Variants in MOB1B observed in about 807,000 individuals in gnomAD.
The protein encoded by MOB1B is MOB1 Mps One Binder homolog B.
A neutral mutation model predicts 24.4 loss-of-function variants in MOB1B; 19 were observed. That is an observed-to-expected ratio of 0.78 (90% CI 0.54 to 1.14). The LOEUF is 1.14. Ranked by LOEUF, MOB1B falls within the 50% of genes most tolerant of loss-of-function variation. The probability of loss-of-function intolerance (pLI) is 0.00; values close to 1 mark genes in which losing one functional copy is unlikely to be tolerated. For missense variants in MOB1B, 243 were observed against 259.6 expected (o/e 0.94, Z 0.44); for synonymous variants, 76 against 82.1 (o/e 0.93, Z 0.40).
At chr4:70,949,932 A>G (rs1378873324) in intron 1 of MOB1B, among the ~76,000 whole-genome samples, 2 of 152,054 alleles carry the variant, frequency 1.3e-5, no homozygotes, top group Non-Finnish European at 2.9e-5. Flanking sequence ...AAATAAAATT[A>G]CAAAGGGGTG....
At chr4:70,969,474 C>T (rs1409368860) in intron 2 of MOB1B, among the ~76,000 whole-genome samples, 2 of 152,132 alleles carry the variant, frequency 1.3e-5, no homozygotes, top group Admixed American at 1.3e-4. Flanking sequence ...GTTGCATTTT[C>T]AGATAAATCT....
At chr4:70,979,541 C>T (rs1225306836) in intron 5 of MOB1B, among the ~76,000 whole-genome samples, 1 of 152,102 alleles carries the variant, frequency 6.6e-6, no homozygotes, top group Non-Finnish European at 1.5e-5. Flanking sequence ...AGTTAACAGG[C>T]CATATGGAGG....
At chr4:70,926,607 G>C (rs1271328546) in intron 1 of MOB1B, among the ~76,000 whole-genome samples, 2 of 152,214 alleles carry the variant, frequency 1.3e-5, no homozygotes, top group East Asian at 3.9e-4. Flanking sequence ...ACAAATGTAT[G>C]GCATTATTGC....
intron 1 of MOB1B, among the ~76,000 whole-genome samples, chr4:70,953,136 A>T (rs748697995): frequency 1.3e-5 from 2 of 151,646 alleles, no homozygotes; most frequent in African/African-American, 2.4e-5. Flanking sequence ...ATAGGGTTTC[A>T]CCATGTTGGC....
intron 1 of MOB1B, among the ~76,000 whole-genome samples, chr4:70,906,670 C>G (rs905827487): frequency 2.6e-5 from 4 of 152,076 alleles, no homozygotes; most frequent in Non-Finnish European, 4.4e-5. Context: ...TATAAATGCT[C>G]AGGATAAATT....
At chr4:70,963,626 C>T (rs967246158) in intron 2 of MOB1B, among the ~76,000 whole-genome samples, 6 of 151,764 alleles carry the variant, frequency 4.0e-5, no homozygotes, top group South Asian at 4.2e-4. Flanking sequence ...TTGAGACCAT[C>T]GTGGACAACA....
chr4:70,913,045 ACC>A (rs1176359107), intron 1 of MOB1B, among the ~76,000 whole-genome samples: 2 of 152,222 alleles, frequency 1.3e-5, no homozygotes, highest in Admixed American at 1.3e-4. Context: ...GGTGTGAGCC[ACC>A]GGGCCCAGCC....
At chr4:70,968,355 A>G (rs996816190) in intron 2 of MOB1B, among the ~76,000 whole-genome samples, 49 of 152,236 alleles carry the variant, frequency 3.2e-4, no homozygotes, top group African/African-American at 1.1e-3. Flanking sequence ...CTTGTTGCCT[A>G]GGCTGGAGTG....
intron 2 of MOB1B, among the ~76,000 whole-genome samples, chr4:70,959,822 CACTAT>C (rs1401187498): frequency 6.6e-6 from 1 of 152,070 alleles, no homozygotes; most frequent in Non-Finnish European, 1.5e-5. Flanking sequence ...TAGAGTCAAC[CACTAT>C]ACTAAATTGC....
rs1739236709 is a variant in MOB1B, at chr4:70,982,143, ATTGT to A, written c.*89_*92del. The A allele has an allele frequency of 1.0e-6, 1 of 990,408 alleles. No individual in the cohort carries two copies. The highest frequency in any genetic ancestry group is 1.5e-6 in the Non-Finnish European group (1 of 650,482). The allele number at this position is 990,408 out of a possible 1,614,324, so 61.4% of individuals were successfully genotyped here. A position where few individuals can be genotyped will look rare whatever the true frequency, so the allele number is the denominator to read the frequency against. ...TTTGTTATATTTTGTTTTTATCTGG[ATTGT>A]TTTTGTCCTAGGTTTGGGGGCGGGG... On this transcript the variant is annotated 3_prime_UTR_variant, in exon 6 of 6. Transcript: ENST00000309395.
intron 2 of MOB1B, among the ~76,000 whole-genome samples, chr4:70,968,957 GA>G (rs1365478981): frequency 6.6e-6 from 1 of 152,042 alleles, no homozygotes; most frequent in East Asian, 1.9e-4. Context: ...ATAACCAGTT[GA>G]TTCAGAAATA....
intron 1 of MOB1B, among the ~76,000 whole-genome samples, chr4:70,928,532 T>G (rs1736747735): frequency 6.6e-6 from 1 of 152,072 alleles, no homozygotes; most frequent in South Asian, 2.1e-4. Context: ...CTTGACCTCG[T>G]GATCCACCGC....
At chr4:70,923,901 C>G (rs1010501348) in intron 1 of MOB1B, among the ~76,000 whole-genome samples, 2 of 140,470 alleles carry the variant, frequency 1.4e-5, no homozygotes, top group Non-Finnish European at 3.0e-5. Flanking sequence ...GAGCCGAGAT[C>G]GCACCACTGC....
intron 1 of MOB1B, among the ~76,000 whole-genome samples, chr4:70,953,231 G>A (rs1008890557): frequency 5.3e-5 from 8 of 152,044 alleles, no homozygotes; most frequent in African/African-American, 1.9e-4. Context: ...GAGCCACCTT[G>A]CCTGGCCTGT....
At position 70,975,455 on chromosome 4, in the gene MOB1B, G is replaced by C. The variant is rs559904109; in HGVS notation, c.409+169G>C. 2.3e-6 allele frequency: 3 copies of C among 1,332,780 alleles called. No individual in the cohort carries two copies. The African/African-American group carries it at 4.5e-5, about 20-fold the overall frequency. 82.6% of individuals were successfully genotyped at this position (1,332,780 alleles called of 1,614,324 possible). On this transcript the variant is annotated intron_variant, in intron 4 of 5. Coordinates refer to ENST00000309395, the MANE Select transcript of MOB1B (RefSeq NM_173468.4). ...AGAGGCACAAAAGTTTGTTAACCCAGTGGTAAAATAAGCAAGTGATCCTGT... is the reference window on the plus strand; with the variant it reads ...AGAGGCACAAAAGTTTGTTAACCCACTGGTAAAATAAGCAAGTGATCCTGT...
At chr4:70,906,743 G>T (rs1578338788) in intron 1 of MOB1B, among the ~76,000 whole-genome samples, 2 of 152,148 alleles carry the variant, frequency 1.3e-5, no homozygotes, top group East Asian at 1.9e-4. Flanking sequence ...TGGCCTCTGT[G>T]TATCTTCAGA....
chr4:70,975,412 G>C (rs905528713), intron 4 of MOB1B, 126 bp downstream of exon 4: 3 of 1,408,058 alleles, frequency 2.1e-6, no homozygotes, highest in Non-Finnish European at 2.8e-6. Context: ...ATATGTATAT[G>C]TTACGCAGTT....
Position 70,976,772 on chromosome 4 carries a change from ATATCTCTCTC to A in MOB1B, c.409+1488_409+1497del, listed in dbSNP as rs1051490610. The A allele has an allele frequency of 1.3e-4, 28 of 215,158 alleles. 1 individual carries two copies. The highest frequency in any genetic ancestry group is 5.6e-4 in the African/African-American group (21 of 37,590). 13.3% of individuals were successfully genotyped at this position (215,158 alleles called of 1,614,324 possible). A position where few individuals can be genotyped will look rare whatever the true frequency, so the allele number is the denominator to read the frequency against. On this transcript the variant is annotated intron_variant, in intron 4 of 5. Coordinates refer to ENST00000309395, the MANE Select transcript of MOB1B (RefSeq NM_173468.4). ...GAATTACATATATATATATATATAT[ATATCTCTCTC>A]TCTCAATCATAAGGGTTGGATGAGT...
At chr4:70,923,347 A>C (rs1180720233) in intron 1 of MOB1B, among the ~76,000 whole-genome samples, 14 of 152,030 alleles carry the variant, frequency 9.2e-5, no homozygotes. Flanking sequence ...CATGTCTCTG[A>C]TGTCTCTGAC....
Sources: gnomAD v4.1 joint callset for allele counts (sites outside exome capture counted in the v4.1 genomes callset) on GRCh38, gnomAD v4.1.1 for gene constraint, MANE v1.5 for transcripts, NCBI Gene and HGNC (gene_info 2026-07-23, HGNC 2026-07-21) for gene names.